The following FAM98A variants were observed in gnomAD, a reference collection of about 807,000 sequenced individuals.
FAM98A encodes protein FAM98A.
A neutral mutation model predicts 62.9 loss-of-function variants in FAM98A; 25 were observed. The observed-to-expected ratio is 0.40, with a 90% CI of 0.29 to 0.56. FAM98A has a LOEUF of 0.56. FAM98A is among the 20% of genes least tolerant of loss of function. The pLI, the probability that FAM98A is intolerant of heterozygous loss-of-function variation, is 0.51. For missense variants in FAM98A, 653 were observed against 640.7 expected (o/e 1.02, Z -0.21); for synonymous variants, 252 against 228.6 (o/e 1.10, Z -0.92).
intron 6 of FAM98A, 22 bp from the exon 7 acceptor site, chr2:33,585,719 A>C (rs1353911037): frequency 3.1e-6 from 5 of 1,593,612 alleles, no homozygotes; most frequent in Non-Finnish European, 4.3e-6. Flanking sequence ...AAAGTGTTCA[A>C]AGAGAAATGT....
At chr2:33,592,595 C>A (rs1677696505) in intron 2 of FAM98A, among the ~76,000 whole-genome samples, 1 of 152,304 alleles carries the variant, frequency 6.6e-6, no homozygotes, top group East Asian at 1.9e-4. Context: ...GTGTCAAACT[C>A]CTGGCCTCAA....
intron 3 of FAM98A, chr2:33,589,501 C>T (rs1449267435): frequency 6.6e-6 from 1 of 152,112 alleles, no homozygotes; most frequent in Non-Finnish European, 1.5e-5. Flanking sequence ...AGAAAAAAGT[C>T]AACTTGTGTA....
At chr2:33,589,112 G>C in intron 3 of FAM98A, 1 of 152,152 alleles carries the variant, frequency 6.6e-6, no homozygotes. Context: ...TAATCAAAGA[G>C]AGCCCTCTTT....
chr2:33,599,033 G>A, intron 1 of FAM98A, 136 bp downstream of exon 1: 1 of 760,292 alleles, frequency 1.3e-6, no homozygotes. Flanking sequence ...TGGGGGTGCC[G>A]GGGCCAAAGG....
At chr2:33,587,214 G>C in intron 5 of FAM98A, 26 bp downstream of exon 5, 1 of 1,415,918 alleles carries the variant, frequency 7.1e-7, no homozygotes, top group Non-Finnish European at 1.0e-6. Context: ...TCTTTACAAA[G>C]TTTACTCAAG....
Position 33,584,149 on chromosome 2 carries a change from G to T in FAM98A, c.*627C>A, listed in dbSNP as rs749587593. 1.3e-5 allele frequency: 2 copies of T among 152,502 alleles called. No individual in the cohort carries two copies. The highest frequency in any genetic ancestry group is 4.8e-5 in the African/African-American group (2 of 41,420). 9.4% of individuals were successfully genotyped at this position (152,502 alleles called of 1,614,324 possible). On this transcript the variant is annotated 3_prime_UTR_variant, in exon 8 of 8. Transcript: ENST00000238823. Reference sequence around the variant, plus strand: ...TTTATAATCTTTATGGATTTTGGCCGTGTTCAAGGTTTTCAGAGTTGAGCA... The same window carrying T: ...TTTATAATCTTTATGGATTTTGGCCTTGTTCAAGGTTTTCAGAGTTGAGCA...
intron 2 of FAM98A, among the ~76,000 whole-genome samples, chr2:33,595,219 C>T (rs1373616348): frequency 6.6e-6 from 1 of 152,142 alleles, no homozygotes; most frequent in Non-Finnish European, 1.5e-5. Flanking sequence ...GAAGTTCATA[C>T]ATTCTATGCT....
chr2:33,588,767 G>A lies in FAM98A; in HGVS notation c.338-248C>T, dbSNP rs1019487649. On this transcript the variant is annotated intron_variant, in intron 3 of 7. Coordinates refer to ENST00000238823, the MANE Select transcript of FAM98A (RefSeq NM_015475.5). ...AAAATAAGCGATTCTCTTTGAAACCGAAGGATCGAGGTAAGTAACATCTAA... is the reference window on the plus strand; with the variant it reads ...AAAATAAGCGATTCTCTTTGAAACCAAAGGATCGAGGTAAGTAACATCTAA... 2.3e-4 allele frequency: 60 copies of A among 263,566 alleles called. No individual in the cohort carries two copies. The East Asian group carries it at 3.4e-3, about 15-fold the overall frequency. 16.3% of individuals were successfully genotyped at this position (263,566 alleles called of 1,614,324 possible).
Position 33,585,068 on chromosome 2 carries a change from C to G in FAM98A, c.1265G>C (p.Gly422Ala). Reference protein sequence around the residue: ...GHSSGGYQGGGYGGFQTSSSY... With the variant: ...GHSSGGYQGGAYGGFQTSSSY... ...AGAAGATGTTTGGAAGCCACCATAA[C>G]CTCCGCCTTGATAGCCACCACTGCT... The change falls in exon 8 of 8, where the codon GGT becomes GCT. Residue 422 changes from glycine (G) to alanine (A), a missense_variant. Physicochemically the swap from Gly to Ala is moderately conservative, Grantham distance 60 (BLOSUM62 0). Transcript: ENST00000238823. The G allele has an allele frequency of 1.9e-6, 3 of 1,614,192 alleles. No individual in the cohort carries two copies. Among genetic ancestry groups the G allele is most frequent in the Non-Finnish European group, 1.7e-6 (2 of 1,180,040 alleles).
rs1174889987 is a variant in FAM98A at position 33,585,297 on chromosome 2, A to C, written c.1036T>G (p.Ser346Ala). The change falls in exon 8 of 8, where the codon TCC (serine) becomes GCC (alanine). Residue 346 changes from serine to alanine, a missense_variant. Physicochemically the swap from Ser to Ala is moderately conservative, Grantham distance 99 (BLOSUM62 1). Transcript: ENST00000238823. ...RGGGRGGYEH[S>A]SYGGRGGHEQ... The stretch of plus-strand genomic sequence containing the variant: ...TGACCTCCTCGTCCTCCGTATGAGG[A>C]ATGTTCATAGCCACCTCTCCCTCCT... 7 of 1,613,712 alleles carry C rather than the reference A, an allele frequency of 4.3e-6. No homozygotes were observed. The highest frequency in any genetic ancestry group is 5.9e-6 in the Non-Finnish European group (7 of 1,179,926).
chr2:33,590,333 A>G (rs1677644128), intron 3 of FAM98A, among the ~76,000 whole-genome samples: 1 of 152,110 alleles, frequency 6.6e-6, no homozygotes, highest in African/African-American at 2.4e-5. Flanking sequence ...AATTCTAATG[A>G]GGCTGGTTTG....
chr2:33,599,288 G>C lies in FAM98A; in HGVS notation c.-67C>G, dbSNP rs1369765897. 16 of 1,351,576 alleles carry C rather than the reference G, an allele frequency of 1.2e-5. No homozygotes were observed. In the South Asian group the frequency reaches 1.5e-4, roughly 13 times the overall value. 83.7% of individuals were successfully genotyped at this position (1,351,576 alleles called of 1,614,324 possible). On this transcript the variant is annotated 5_prime_UTR_variant, in exon 1 of 8. Transcript: ENST00000238823. Reference sequence around the variant, plus strand: ...CTTCGCCGGCAACGCGTACACTCGCGCATGCGCGACTTCCCCGGAACTTCC... The same window carrying C: ...CTTCGCCGGCAACGCGTACACTCGCCCATGCGCGACTTCCCCGGAACTTCC...
rs945668985 is a variant in FAM98A, at chr2:33,599,294, G to A, written c.-73C>T. The A allele has an allele frequency of 7.0e-6, 9 of 1,286,966 alleles. No homozygotes were observed. Among genetic ancestry groups the A allele is most frequent in the Non-Finnish European group, 3.4e-6 (3 of 881,498 alleles). 79.7% of individuals were successfully genotyped at this position (1,286,966 alleles called of 1,614,324 possible). ...CGGCAACGCGTACACTCGCGCATGC[G>A]CGACTTCCCCGGAACTTCCAAATCC... On this transcript the variant is annotated 5_prime_UTR_variant, in exon 1 of 8. Transcript: ENST00000238823.
At chr2:33,587,179 A>T in intron 5 of FAM98A, 61 bp downstream of exon 5, 1 of 1,029,040 alleles carries the variant, frequency 9.7e-7, no homozygotes, top group Non-Finnish European at 1.5e-6. Context: ...GTAAGTGTTG[A>T]CATGAAAATC....
rs374337780 is a variant in FAM98A at position 33,595,608 on chromosome 2, G to A, written c.83C>T (p.Ala28Val). Residue 28 changes from alanine (A) to valine (V), a missense_variant, in exon 2 of 8, where the codon GCG becomes GTG. Physicochemically the swap from Ala to Val is moderately conservative, Grantham distance 64. Coordinates refer to ENST00000238823, the MANE Select transcript of FAM98A (RefSeq NM_015475.5). Reference protein sequence around the residue: ...GYKGPLLEDGALSQAVSAGAS... With the variant: ...GYKGPLLEDGVLSQAVSAGAS... The stretch of plus-strand genomic sequence containing the variant: ...TCCAGCAGAGACTGCCTGAGAGAGC[G>A]CTCCATCTTCCAACAATGGGCCCTT... 1.2e-5 allele frequency: 19 copies of A among 1,588,860 alleles called. No individual in the cohort carries two copies. The highest frequency in any genetic ancestry group is 4.1e-5 in the African/African-American group (3 of 72,920).
Position 33,584,653 on chromosome 2 carries a change from T to C in FAM98A, c.*123A>G. The C allele has an allele frequency of 1.2e-6, 1 of 816,060 alleles. No homozygotes were observed. Among genetic ancestry groups the C allele is most frequent in the Non-Finnish European group, 2.0e-6 (1 of 504,468 alleles). The allele number at this position is 816,060 out of a possible 1,614,324, so 50.6% of individuals were successfully genotyped here. Reference sequence around the variant, plus strand: ...TTGAATGAAGACCTACAAATGCTTATGCCAAGCAGGAATCTGCCTGCCACC... The same window carrying C: ...TTGAATGAAGACCTACAAATGCTTACGCCAAGCAGGAATCTGCCTGCCACC... On this transcript the variant is annotated 3_prime_UTR_variant, in exon 8 of 8. Transcript: ENST00000238823.
chr2:33,592,035 C>T, intron 3 of FAM98A, 45 bp downstream of exon 3: 1 of 1,534,482 alleles, frequency 6.5e-7, no homozygotes, highest in Non-Finnish European at 8.9e-7. Context: ...TCATGGAAAA[C>T]ATAAACAGAA....
At chr2:33,592,509 G>A (rs142150847) in intron 2 of FAM98A, among the ~76,000 whole-genome samples, 1 of 152,074 alleles carries the variant, frequency 6.6e-6, no homozygotes. Context: ...GGGCCTACAG[G>A]TGTATGCTAC....
intron 1 of FAM98A, among the ~76,000 whole-genome samples, chr2:33,597,735 T>C (rs1333477602): frequency 2.0e-5 from 3 of 152,200 alleles, no homozygotes; most frequent in Non-Finnish European, 4.4e-5. Context: ...TATAGTGTCA[T>C]TTATTCCAGA....
Sources: gnomAD v4.1 joint callset for allele counts (sites outside exome capture counted in the v4.1 genomes callset) on GRCh38, gnomAD v4.1.1 for gene constraint, MANE v1.5 for transcripts, NCBI Gene and HGNC (gene_info 2026-07-23, HGNC 2026-07-21) for gene names.